The following ALOX15 variants were observed in gnomAD, a reference collection of about 807,000 sequenced individuals.
ALOX15 encodes polyunsaturated fatty acid lipoxygenase ALOX15.
ALOX15 carries 68 observed loss-of-function variants against 71.7 expected under a neutral mutation model. The ratio of observed to expected loss-of-function variants is 0.95; its 90% CI spans 0.78 to 1.16. The LOEUF (loss-of-function observed/expected upper bound fraction) is 1.16, where lower values mean the gene tolerates loss of function less well. Among genes scored for constraint, ALOX15 ranks in the 50% most tolerant of loss-of-function variants. The pLI, the probability that ALOX15 is intolerant of heterozygous loss-of-function variation, is 0.00. For synonymous variants in ALOX15, 346 were observed against 333.3 expected, an observed-to-expected ratio of 1.04 and a Z score of -0.42; for missense variants, 798 against 818.8, an observed-to-expected ratio of 0.97 and a Z score of 0.31.
chr17:4,633,046 G>A, intron 10 of ALOX15, 64 bp from the exon 11 acceptor site: 1 of 1,612,246 alleles, frequency 6.2e-7, no homozygotes, highest in South Asian at 1.1e-5. Context: ...ACATGGCCAG[G>A]TCAGGGCCCC....
Position 4,638,701 on chromosome 17 carries a change from G to A in ALOX15, c.543-17C>T, listed in dbSNP as rs1405667213. 13 of 1,613,678 alleles carry A rather than the reference G, an allele frequency of 8.1e-6. No homozygotes were observed. Among genetic ancestry groups the A allele is most frequent in the African/African-American group, 1.3e-5 (1 of 74,904 alleles). On this transcript the variant is annotated splice_polypyrimidine_tract_variant and intron_variant, in intron 4 of 13. Transcript: ENST00000293761. Reference sequence around the variant, plus strand: ...TCGGCCAGCCTTCAGGGCAGGATGGGGCAAAGGGTTTGAGCATCATTCTGA... The same window carrying A: ...TCGGCCAGCCTTCAGGGCAGGATGGAGCAAAGGGTTTGAGCATCATTCTGA...
At position 4,631,990 on chromosome 17, in the gene ALOX15, C is replaced by A. The variant is rs918185169; in HGVS notation, c.1708G>T (p.Asp570Tyr). 2 of 1,614,100 alleles carry A rather than the reference C, an allele frequency of 1.2e-6. No individual in the cohort carries two copies. Among genetic ancestry groups the A allele is most frequent in the Non-Finnish European group, 1.7e-6 (2 of 1,180,024 alleles). The change falls in exon 13 of 14, where the codon GAT (aspartate) becomes TAT (tyrosine). Residue 570 changes from aspartate (D) to tyrosine (Y), a missense_variant. Transcript: ENST00000293761. ...GCCATCACTGTCTCCAGCGTTGCAT[C>A]CTTGGTGGTTGGCGGGGGCAGCCGC... ...TMRLPPPTTK[D>Y]ATLETVMATL...
In ALOX15 at chr17:4,633,471, C is replaced by T. The variant is rs750612851; in HGVS notation, c.1191G>A (p.Leu397=). ...KLIIPHLRYT[L]EINVRARTGL... ...CAGTCCTGGCCCGGACGTTAATTTC[C>T]AGGGTGTATCGCAGGTGGGGAATTA... The change falls in exon 9 of 14, where the codon CTG becomes CTA. Residue 397 remains leucine, a synonymous_variant. Coordinates refer to ENST00000293761, the MANE Select transcript of ALOX15 (RefSeq NM_001140.5). The T allele has an allele frequency of 1.9e-6, 3 of 1,614,150 alleles. No homozygotes were observed. In the East Asian group the frequency reaches 6.7e-5, roughly 36 times the overall value.
At chr17:4,633,525 G>A in intron 8 of ALOX15, 25 bp from the exon 9 acceptor site, 1 of 1,594,664 alleles carries the variant, frequency 6.3e-7, no homozygotes, top group Admixed American at 1.7e-5. Context: ...ACAGGGAAGG[G>A]CAGAGTCAGA....
chr17:4,633,527 A>T (rs1198766126), intron 8 of ALOX15, 27 bp from the exon 9 acceptor site: 1 of 1,590,112 alleles, frequency 6.3e-7, no homozygotes, highest in East Asian at 2.2e-5. Flanking sequence ...AGGGAAGGGC[A>T]GAGTCAGAGG....
Position 4,639,496 on chromosome 17 carries a change from C to T in ALOX15, c.271G>A (p.Glu91Lys), listed in dbSNP as rs139214774. The change falls in exon 2 of 14, where the codon GAG (glutamate) becomes AAG (lysine). Residue 91 changes from glutamate to lysine, a missense_variant. This residue lies in a region of ALOX15 where 300 missense variants were observed against 283.1 expected (regional missense o/e 1.06). Coordinates refer to ENST00000293761, the MANE Select transcript of ALOX15 (RefSeq NM_001140.5). ...ISVQGPGAGD[E>K]VRFPCYRWVE... ...CAGCGGTAACAAGGGAACCTGACCT[C>T]GTCCCCGGCTCCGGGGCCCTGCACA... 3.6e-5 allele frequency: 58 copies of T among 1,613,874 alleles called. No homozygotes were observed. The highest frequency in any genetic ancestry group is 3.6e-5 in the Non-Finnish European group (42 of 1,180,040).
rs750193083 is a variant in ALOX15, at chr17:4,632,927, C to T, written c.1474G>A (p.Asp492Asn). The T allele has an allele frequency of 2.5e-5, 40 of 1,613,978 alleles. No individual in the cohort carries two copies. In the Admixed American group the frequency reaches 6.2e-4, roughly 25 times the overall value. The stretch of plus-strand genomic sequence containing the variant: ...CGACACCAGGTCTGCAGCTCTGGGT[C>T]GTCTTTCACAGCCACGTCTGTCTTA... ...HYKTDVAVKD[D>N]PELQTWCREI... Residue 492 changes from aspartate to asparagine, a missense_variant, in exon 11 of 14, where the codon GAC becomes AAC. Asp to Asn is a conservative substitution (Grantham distance 23, BLOSUM62 1). Around this residue, in one of 3 missense-constraint regions of ALOX15, gnomAD observed 490 missense variants for 509.4 expected, o/e 0.96. Coordinates refer to ENST00000293761, the MANE Select transcript of ALOX15 (RefSeq NM_001140.5).
chr17:4,641,124 C>T (rs11568079), intron 1 of ALOX15, among the ~76,000 whole-genome samples: 1,515 of 150,054 alleles, frequency 0.01, 28 homozygotes, highest in Middle Eastern at 0.046. Context: ...TCACCACCCA[C>T]TCCACCCCAG....
chr17:4,633,619 T>C, intron 8 of ALOX15, 119 bp from the exon 9 acceptor site: 2 of 778,186 alleles, frequency 2.6e-6, no homozygotes, highest in Admixed American at 4.7e-5. Context: ...GACGTAAAGT[T>C]CAGTGGCCTC....
Position 4,639,031 on chromosome 17 carries a change from G to A in ALOX15, c.419+20C>T, listed in dbSNP as rs753900007. On this transcript the variant is annotated intron_variant, in intron 3 of 13. Transcript: ENST00000293761. ...TGGAAGCATCAGCAGCTCACGTGGG[G>A]TCAGGGGAGGAGGGCTCACCGGTAC... The A allele has an allele frequency of 3.7e-6, 6 of 1,614,220 alleles. No homozygotes were observed. Among genetic ancestry groups the A allele is most frequent in the Non-Finnish European group, 3.4e-6 (4 of 1,180,032 alleles).
rs954423060 is a variant in ALOX15 at position 4,633,118 on chromosome 17, C to T, written c.1418+28G>A. On this transcript the variant is annotated intron_variant, in intron 10 of 13. Coordinates refer to ENST00000293761, the MANE Select transcript of ALOX15 (RefSeq NM_001140.5). ...CATGTCTTCTCCACCCCCACTTGCA[C>T]CCCCACTGGCCTTCCCGCTTGCCTC... 2.5e-6 allele frequency: 4 copies of T among 1,609,180 alleles called. No homozygotes were observed. The African/African-American group carries it at 4.0e-5, about 16-fold the overall frequency.
Position 4,638,570 on chromosome 17 carries a change from G to A in ALOX15, c.646+11C>T, listed in dbSNP as rs1200020978. Reference sequence around the variant, plus strand: ...GGGGGGTTGGGAGACATACTGGGGTGGGGGACTGACCAGCCAGCTTGCTCT... The same window carrying A: ...GGGGGGTTGGGAGACATACTGGGGTAGGGGACTGACCAGCCAGCTTGCTCT... On this transcript the variant is annotated intron_variant, in intron 5 of 13. Coordinates refer to ENST00000293761, the MANE Select transcript of ALOX15 (RefSeq NM_001140.5). 4.3e-6 allele frequency: 7 copies of A among 1,612,546 alleles called. No homozygotes were observed. Among genetic ancestry groups the A allele is most frequent in the East Asian group, 2.2e-5 (1 of 44,884 alleles).
rs748113115 is a variant in ALOX15 at position 4,631,942 on chromosome 17, C to A, written c.1756G>T (p.Ala586Ser). Residue 586 changes from alanine (A) to serine (S), a missense_variant, in exon 13 of 14, where the codon GCT becomes TCT. Ala to Ser is a moderately conservative substitution (Grantham distance 99). Coordinates refer to ENST00000293761, the MANE Select transcript of ALOX15 (RefSeq NM_001140.5). Reference sequence around the variant, plus strand: ...CAAGTGATGGACATCTGGAGAGAAGCCTGGTGGAAGTTGGGCAGTGTCGCC... The same window carrying A: ...CAAGTGATGGACATCTGGAGAGAAGACTGGTGGAAGTTGGGCAGTGTCGCC... ...VMATLPNFHQ[A>S]SLQMSITWQL... 1.2e-6 allele frequency: 2 copies of A among 1,614,112 alleles called. No individual in the cohort carries two copies. Among genetic ancestry groups the A allele is most frequent in the Non-Finnish European group, 1.7e-6 (2 of 1,180,032 alleles).
In ALOX15 at chr17:4,631,444, T is replaced by C. The variant is rs958665138; in HGVS notation, c.*156A>G. The C allele has an allele frequency of 3.5e-5, 29 of 826,826 alleles. No individual in the cohort carries two copies. The highest frequency in any genetic ancestry group is 4.8e-5 in the Non-Finnish European group (26 of 544,078). The allele number at this position is 826,826 out of a possible 1,614,324, so 51.2% of individuals were successfully genotyped here. A position where few individuals can be genotyped will look rare whatever the true frequency, so the allele number is the denominator to read the frequency against. On this transcript the variant is annotated 3_prime_UTR_variant, in exon 14 of 14. Coordinates refer to ENST00000293761, the MANE Select transcript of ALOX15 (RefSeq NM_001140.5). ...CCCAGGTGATGCCTCTAGAGTAAAATGTGTTCACTGGGTGCAGAGACCATG... is the reference window on the plus strand; with the variant it reads ...CCCAGGTGATGCCTCTAGAGTAAAACGTGTTCACTGGGTGCAGAGACCATG...
chr17:4,631,286 T>C lies in ALOX15; in HGVS notation c.*314A>G, dbSNP rs1910884877. ...ATAAAAGGTGTGGAGTAATATGTAT[T>C]ATATCCCCCTATTCTAGTCTTGAAA... On this transcript the variant is annotated 3_prime_UTR_variant, in exon 14 of 14. Transcript: ENST00000293761. The C allele has an allele frequency of 2.9e-6, 1 of 349,316 alleles. No homozygotes were observed. The allele number at this position is 349,316 out of a possible 1,614,324, so 21.6% of individuals were successfully genotyped here. A position where few individuals can be genotyped will look rare whatever the true frequency, so the allele number is the denominator to read the frequency against.
rs1911196639 is a variant in ALOX15, at chr17:4,638,578, G to C, written c.646+3C>G. On this transcript the variant is annotated splice_donor_region_variant and intron_variant, in intron 5 of 13. Transcript: ENST00000293761. ...GGGAGACATACTGGGGTGGGGGACT[G>C]ACCAGCCAGCTTGCTCTGACCACAC... is the stretch of plus-strand genomic sequence containing the variant. 6.2e-6 allele frequency: 10 copies of C among 1,613,838 alleles called. No individual in the cohort carries two copies. The highest frequency in any genetic ancestry group is 1.1e-5 in the South Asian group (1 of 91,042).
Position 4,631,338 on chromosome 17 carries a change from C to A in ALOX15, c.*262G>T. ...GATTTATATAATTGTGGCTATTTGC[C>A]ATATAGATCTGAATGAAGAAAGAGG... On this transcript the variant is annotated 3_prime_UTR_variant, in exon 14 of 14. Transcript: ENST00000293761. The A allele has an allele frequency of 2.0e-6, 1 of 497,134 alleles. No individual in the cohort carries two copies. Among genetic ancestry groups the A allele is most frequent in the East Asian group, 3.2e-5 (1 of 31,744 alleles). The allele number at this position is 497,134 out of a possible 1,614,324, so 30.8% of individuals were successfully genotyped here. A position where few individuals can be genotyped will look rare whatever the true frequency, so the allele number is the denominator to read the frequency against.
chr17:4,632,025 G>A lies in ALOX15; in HGVS notation c.1673C>T (p.Pro558Leu). 6.2e-7 allele frequency: 1 copy of A among 1,613,048 alleles called. No individual in the cohort carries two copies. Among genetic ancestry groups the A allele is most frequent in the Non-Finnish European group, 8.5e-7 (1 of 1,179,542 alleles). The change falls in exon 13 of 14, where the codon CCC becomes CTC. Residue 558 changes from proline (P) to leucine (L), a missense_variant. Pro to Leu is a moderately conservative substitution (Grantham distance 98). Transcript: ENST00000293761. ...TGGCGGGGGCAGCCGCATCGTGCAG[G>A]GTGCATTAGGCACCCAAGAGTACCA... is the stretch of plus-strand genomic sequence containing the variant. ...LDWYSWVPNAPCTMRLPPPTT... is the reference protein window; with the variant it reads ...LDWYSWVPNALCTMRLPPPTT...
At chr17:4,637,456 G>A (rs1045831900) in intron 6 of ALOX15, among the ~76,000 whole-genome samples, 198 bp from the exon 7 acceptor site, 7 of 151,696 alleles carry the variant, frequency 4.6e-5, no homozygotes, top group East Asian at 1.9e-4. Context: ...GCTGGAGTGC[G>A]TGGCAGGATC....
Sources: allele counts gnomAD v4.1 joint callset (sites outside exome capture counted in the v4.1 genomes callset), GRCh38; gene constraint gnomAD v4.1.1; regional missense constraint gnomAD v4.1.1; transcripts MANE v1.5; gene names NCBI Gene and HGNC (gene_info 2026-07-23, HGNC 2026-07-21).